PPP2R2C: variants seen among roughly 807,000 people sequenced by gnomAD.
PPP2R2C encodes protein phosphatase 2, regulatory subunit B, gamma.
PPP2R2C carries 10 observed loss-of-function variants against 45.3 expected under a neutral mutation model. The observed-to-expected ratio is 0.22, with a 90% CI of 0.14 to 0.37. PPP2R2C has a LOEUF of 0.37. Among genes scored for constraint, PPP2R2C ranks in the 10% least tolerant of loss-of-function variants. The pLI, the probability that PPP2R2C is intolerant of heterozygous loss-of-function variation, is 1.00. For missense variants in PPP2R2C, 308 were observed against 619.7 expected (o/e 0.50, Z 5.34); for synonymous variants, 257 against 245.4 (o/e 1.05, Z -0.44).
intron 1 of PPP2R2C, among the ~76,000 whole-genome samples, chr4:6,468,179 T>G (rs893538750): frequency 5.3e-5 from 8 of 152,166 alleles, no homozygotes; most frequent in Non-Finnish European, 1.2e-4. Context: ...ACAAGCAGCA[T>G]CCCCTCTTCA....
rs1723673233 is a variant in PPP2R2C at position 6,512,521 on chromosome 4, GTGGTGGTGA to G, written c.49+22741_49+22749del. 4.4e-5 allele frequency among the ~76,000 whole-genome samples: 5 copies of G among 114,732 alleles called. No homozygotes were observed. In the Admixed American group the frequency reaches 4.6e-4, roughly 11 times the overall value. The allele number at this position is 114,732 out of a possible 152,430, so 75.3% of individuals were successfully genotyped here. A position where few individuals can be genotyped will look rare whatever the true frequency, so the allele number is the denominator to read the frequency against. ...GGTGGTGGTGGTGATGTTGGTGGTG[GTGGTGGTGA>G]TGGTGATGGTGGTGATGGTGGTGAT... On this transcript the variant is annotated intron_variant, in intron 2 of 9. Transcript: ENST00000506140.
intron 1 of PPP2R2C, among the ~76,000 whole-genome samples, chr4:6,436,156 G>GT (rs1399533957): frequency 6.6e-6 from 1 of 152,176 alleles, no homozygotes; most frequent in African/African-American, 2.4e-5. Flanking sequence ...TTACACCTGG[G>GT]TATCAGACTT....
At chr4:6,384,399 AG>A (rs1716074920) in intron 1 of PPP2R2C, 1 of 985,108 alleles carries the variant, frequency 1.0e-6, no homozygotes, top group South Asian at 4.7e-5. Flanking sequence ...GAACGGAGGT[AG>A]CTTTAGGGTA....
chr4:6,449,956 C>T (rs796861756), intron 1 of PPP2R2C, among the ~76,000 whole-genome samples: 25 of 152,356 alleles, frequency 1.6e-4, no homozygotes, highest in African/African-American at 5.5e-4. Flanking sequence ...ACCTCCTCTC[C>T]AGGCTTCCCC....
At chr4:6,408,492 G>T (rs761022232) in intron 1 of PPP2R2C, among the ~76,000 whole-genome samples, 4 of 152,188 alleles carry the variant, frequency 2.6e-5, no homozygotes, top group Non-Finnish European at 4.4e-5. Context: ...CCCAGGATGG[G>T]TGGGAACCTG....
intron 7 of PPP2R2C, among the ~76,000 whole-genome samples, chr4:6,333,351 C>T (rs547632073): frequency 6.6e-6 from 1 of 152,358 alleles, no homozygotes; most frequent in African/African-American, 2.4e-5. Flanking sequence ...TGCTCAGGGA[C>T]ATCCAAAGCT....
rs138495520 is a variant in PPP2R2C at position 6,359,783 on chromosome 4, C to A, written c.626-11773G>T. ...ATGGCAGCTAAGCTGCACCAGTCTG[C>A]CCCCCGGTCGTCCTCTCCTGTAAGG... On this transcript the variant is annotated intron_variant, in intron 5 of 8. Transcript: ENST00000382599. Among the ~76,000 whole-genome samples, 57 of 151,816 alleles carry A rather than the reference C, an allele frequency of 3.8e-4. 1 individual carries two copies. The East Asian group carries it at 6.4e-3, about 17-fold the overall frequency.
intron 4 of PPP2R2C, 29 bp downstream of exon 4, chr4:6,375,790 G>A: frequency 1.3e-6 from 2 of 1,530,278 alleles, no homozygotes; most frequent in African/African-American, 1.4e-5. Context: ...AAAGAGGCGT[G>A]TGCCTGCTTC....
chr4:6,442,381 G>T (rs1052316549), intron 1 of PPP2R2C, among the ~76,000 whole-genome samples: 2 of 152,214 alleles, frequency 1.3e-5, no homozygotes, highest in African/African-American at 4.8e-5. Context: ...AATGTACTTG[G>T]ACCCAGTGGA....
In PPP2R2C at chr4:6,330,208, G is replaced by T. The variant is rs1362245588; in HGVS notation, c.961-855C>A. Reference sequence around the variant, plus strand: ...AGGGCCGCATGAGTGCCAGCCCTCTGCTGAGGCTGGAGCTGCCAGGACAAC... The same window carrying T: ...AGGGCCGCATGAGTGCCAGCCCTCTTCTGAGGCTGGAGCTGCCAGGACAAC... On this transcript the variant is annotated intron_variant, in intron 7 of 8. Coordinates refer to ENST00000382599, the MANE Select transcript of PPP2R2C (RefSeq NM_020416.4). The surrounding 1 kb of genome is among the most constrained non-coding windows in gnomAD (Gnocchi z 7.0). Among the ~76,000 whole-genome samples, 2 of 152,162 alleles carry T rather than the reference G, an allele frequency of 1.3e-5. No individual in the cohort carries two copies. The highest frequency in any genetic ancestry group is 4.8e-5 in the African/African-American group (2 of 41,436).
chr4:6,369,822 C>T (rs1034530678), intron 5 of PPP2R2C, among the ~76,000 whole-genome samples: 14 of 152,204 alleles, frequency 9.2e-5, no homozygotes, highest in Non-Finnish European at 1.9e-4. Context: ...CATGGCGGGG[C>T]TGTGTCCCCC....
intron 1 of PPP2R2C, 60 bp downstream of exon 1, chr4:6,472,100 G>A (rs1481393721): frequency 8.1e-6 from 13 of 1,607,326 alleles, no homozygotes; most frequent in Middle Eastern, 1.7e-4. Context: ...AGGGCATTCG[G>A]TGCGACGGCA....
At chr4:6,542,210 T>C (rs558878206) in intron 1 of PPP2R2C, among the ~76,000 whole-genome samples, 117 of 152,300 alleles carry the variant, frequency 7.7e-4, no homozygotes, top group Admixed American at 1.9e-3. Flanking sequence ...CCCCTGGAGA[T>C]CTGCACTAAA....
chr4:6,469,807 T>C (rs1156529977), intron 1 of PPP2R2C, among the ~76,000 whole-genome samples: 1 of 152,208 alleles, frequency 6.6e-6, no homozygotes, highest in Non-Finnish European at 1.5e-5. Context: ...TGTGAAAGTG[T>C]GTTTTTCATT....
chr4:6,351,136 C>A, intron 5 of PPP2R2C: 2 of 652,418 alleles, frequency 3.1e-6, no homozygotes, highest in Non-Finnish European at 3.8e-6. Context: ...AAAACCCCGT[C>A]TCTACTAAAA....
intron 2 of PPP2R2C, among the ~76,000 whole-genome samples, chr4:6,530,543 AC>A (rs11306059): frequency 0.2 from 30,904 of 151,916 alleles, 3,901 homozygotes; most frequent in East Asian, 0.47. Flanking sequence ...CTGGACTGTC[AC>A]CCACCACGCA....
At chr4:6,514,236 C>T (rs958987328) in intron 2 of PPP2R2C, among the ~76,000 whole-genome samples, 4 of 152,132 alleles carry the variant, frequency 2.6e-5, no homozygotes, top group African/African-American at 9.7e-5. Context: ...ATGAGATTAA[C>T]AGAAATTTCA....
chr4:6,495,974 T>A (rs953669366), intron 2 of PPP2R2C, among the ~76,000 whole-genome samples: 1 of 152,254 alleles, frequency 6.6e-6, no homozygotes, highest in Admixed American at 6.5e-5. Flanking sequence ...CCCTCCCGGC[T>A]CTCCATGGCG....
chr4:6,500,946 G>A (rs1161332420), intron 2 of PPP2R2C, among the ~76,000 whole-genome samples: 1 of 152,216 alleles, frequency 6.6e-6, no homozygotes, highest in East Asian at 1.9e-4. Context: ...ATCCACACAG[G>A]AGAGGCAGGG....
Sources: gnomAD v4.1 joint callset for allele counts (sites outside exome capture counted in the v4.1 genomes callset) on GRCh38, gnomAD v4.1.1 for gene constraint, Gnocchi (gnomAD v3.1) non-coding constraint, MANE v1.5 for transcripts, NCBI Gene and HGNC (gene_info 2026-07-23, HGNC 2026-07-21) for gene names.